The following CAMSAP1 variants were observed in gnomAD, a reference collection of about 807,000 sequenced individuals.
CAMSAP1 encodes calmodulin regulated spectrin associated protein 1.
A neutral mutation model predicts 143.5 loss-of-function variants in CAMSAP1; 58 were observed. The observed-to-expected ratio is 0.40, with a 90% CI of 0.33 to 0.50. CAMSAP1 has a LOEUF of 0.50. Ranked by LOEUF, CAMSAP1 falls within the 20% of genes least tolerant of loss-of-function variation. CAMSAP1 has a pLI of 0.45. For synonymous variants in CAMSAP1, 945 were observed against 859.3 expected, an observed-to-expected ratio of 1.10 and a Z score of -1.74; for missense variants, 1,969 against 2,115.7, an observed-to-expected ratio of 0.93 and a Z score of 1.36.
At position 135,824,337 on chromosome 9, in the gene CAMSAP1, A is replaced by C. The variant is rs1225663058; in HGVS notation, c.1316-303T>G. 2.0e-5 allele frequency among the ~76,000 whole-genome samples: 3 copies of C among 152,226 alleles called. No individual in the cohort carries two copies. The highest frequency in any genetic ancestry group is 2.0e-4 in the Admixed American group (3 of 15,282). ...CTGCAAGACTATACATTTTGACAAC[A>C]CAAGTTAAAATTTATTTGGCTACAG... is the stretch of plus-strand genomic sequence containing the variant. On this transcript the variant is annotated intron_variant, in intron 9 of 16. Coordinates refer to ENST00000389532, the MANE Select transcript of CAMSAP1 (RefSeq NM_015447.4). The surrounding 1 kb of genome is among the most constrained non-coding windows in gnomAD (Gnocchi z 4.1).
chr9:135,865,501 A>C, intron 4 of CAMSAP1: 1 of 749,002 alleles, frequency 1.3e-6, no homozygotes, highest in Non-Finnish European at 2.2e-6. Context: ...AAAGTCTTCT[A>C]AGTGTACGTG....
intron 1 of CAMSAP1, among the ~76,000 whole-genome samples, chr9:135,901,739 C>T (rs750458926): frequency 1.8e-4 from 27 of 152,176 alleles, no homozygotes; most frequent in African/African-American, 6.5e-4. Flanking sequence ...TTCCCAGGCT[C>T]GCTCTCTCGG....
chr9:135,821,623 TC>T lies in CAMSAP1; in HGVS notation c.3037del (p.Glu1013ArgfsTer5). 6.2e-7 allele frequency: 1 copy of T among 1,613,990 alleles called. No homozygotes were observed. The highest frequency in any genetic ancestry group is 8.5e-7 in the Non-Finnish European group (1 of 1,179,890). ...SAALLEDTVGEVVDVNECDLS... is the reference protein window; with the variant it reads ...SAALLEDTVGXVVDVNECDLS... ...GTCACATTCATTCACGTCGACAACCTCCCCAACAGTGTCCTCCAGGAGGGCA... is the reference window on the plus strand; with the variant it reads ...GTCACATTCATTCACGTCGACAACCTCCCAACAGTGTCCTCCAGGAGGGCA... On this transcript the variant is annotated frameshift_variant, in exon 11 of 17. Transcript: ENST00000389532. LOFTEE classifies it high-confidence loss of function. The surrounding 1 kb of genome is among the most constrained non-coding windows in gnomAD (Gnocchi z 4.6).
chr9:135,840,971 G>T (rs1836323808), intron 7 of CAMSAP1, among the ~76,000 whole-genome samples: 1 of 152,214 alleles, frequency 6.6e-6, no homozygotes, highest in East Asian at 1.9e-4. Flanking sequence ...TCATACCCTA[G>T]TGGTGCCTGG....
In CAMSAP1 at chr9:135,846,279, G is replaced by A. The variant is rs904659226; in HGVS notation, c.1045+3858C>T. On this transcript the variant is annotated intron_variant, in intron 7 of 16. Coordinates refer to ENST00000389532, the MANE Select transcript of CAMSAP1 (RefSeq NM_015447.4). ...AAATCTGACAAAAACAAGCAATGGGGAAAGGATTCCCTATTTAACAGTGTT... is the reference window on the plus strand; with the variant it reads ...AAATCTGACAAAAACAAGCAATGGGAAAAGGATTCCCTATTTAACAGTGTT... Among the ~76,000 whole-genome samples the A allele has an allele frequency of 2.6e-5, 4 of 152,124 alleles. No individual in the cohort carries two copies. In the East Asian group the frequency reaches 5.8e-4, roughly 22 times the overall value.
chr9:135,818,229 G>A lies in CAMSAP1; in HGVS notation c.4169-150C>T. The A allele has an allele frequency of 9.0e-7, 1 of 1,113,518 alleles. No homozygotes were observed. The highest frequency in any genetic ancestry group is 1.6e-5 in the South Asian group (1 of 64,488). The allele number at this position is 1,113,518 out of a possible 1,614,324, so 69.0% of individuals were successfully genotyped here. On this transcript the variant is annotated intron_variant, in intron 13 of 16. Transcript: ENST00000389532. The surrounding 1 kb of genome is among the most constrained non-coding windows in gnomAD (Gnocchi z 7.7). ...ATCCCGGGGAGCCGGGCTGCGCCTG[G>A]ATGTGCCGCACATCTCAGAGCATCT... is the stretch of plus-strand genomic sequence containing the variant.
rs569718348 is a variant in CAMSAP1, at chr9:135,904,917, G to A, written c.160+2083C>T. On this transcript the variant is annotated intron_variant, in intron 1 of 16. Coordinates refer to ENST00000389532, the MANE Select transcript of CAMSAP1 (RefSeq NM_015447.4). The stretch of plus-strand genomic sequence containing the variant: ...GAGGTGGCGGTTGCGGTGAGCTGAG[G>A]TCGCGTCACTGCACTCCAGGCTGGA... 1.1e-4 allele frequency among the ~76,000 whole-genome samples: 16 copies of A among 151,894 alleles called. No homozygotes were observed. In the South Asian group the frequency reaches 3.3e-3, roughly 32 times the overall value.
intron 1 of CAMSAP1, among the ~76,000 whole-genome samples, chr9:135,888,346 G>A (rs1838189938): frequency 6.6e-6 from 1 of 152,180 alleles, no homozygotes; most frequent in Admixed American, 6.5e-5. Flanking sequence ...GCACCTGCAC[G>A]GGGCTCGGGA....
intron 7 of CAMSAP1, chr9:135,836,918 CCACA>C (rs1303965010): frequency 2.0e-6 from 2 of 984,204 alleles, no homozygotes; most frequent in Non-Finnish European, 2.4e-6. Context: ...ACACACGTCA[CCACA>C]CACTTTCTAC....
chr9:135,811,138 G>T lies in CAMSAP1; in HGVS notation c.*171C>A. On this transcript the variant is annotated 3_prime_UTR_variant, in exon 17 of 17. Transcript: ENST00000389532. The surrounding 1 kb of genome is among the most constrained non-coding windows in gnomAD (Gnocchi z 4.9). ...GCGTGAGATGAGCGCTGAGAGAGGG[G>T]TTTTCTTCTGCTGTCTAGAAACCTC... 1.3e-6 allele frequency: 1 copy of T among 754,016 alleles called. No homozygotes were observed. The highest frequency in any genetic ancestry group is 2.1e-6 in the Non-Finnish European group (1 of 471,894). 46.7% of individuals were successfully genotyped at this position (754,016 alleles called of 1,614,324 possible).
chr9:135,831,099 G>A (rs1195136131), intron 7 of CAMSAP1, among the ~76,000 whole-genome samples: 6 of 152,192 alleles, frequency 3.9e-5, no homozygotes, highest in Admixed American at 1.3e-4. Context: ...TTGAACCTGG[G>A]AGGCGGAGGC....
At chr9:135,902,194 T>C (rs1838637752) in intron 1 of CAMSAP1, among the ~76,000 whole-genome samples, 1 of 152,242 alleles carries the variant, frequency 6.6e-6, no homozygotes, top group African/African-American at 2.4e-5. Flanking sequence ...CATTTGAAGA[T>C]GCTCTGTAAC....
intron 14 of CAMSAP1, among the ~76,000 whole-genome samples, chr9:135,816,538 T>C (rs1835235499): frequency 6.6e-6 from 1 of 152,180 alleles, no homozygotes; most frequent in Non-Finnish European, 1.5e-5. Context: ...ACACAGCTGC[T>C]CAGAGATGTC....
At position 135,862,529 on chromosome 9, in the gene CAMSAP1, C is replaced by G; in HGVS notation, c.746G>C (p.Ser249Thr). The change falls in exon 5 of 17, where the codon AGT (serine) becomes ACT (threonine). Residue 249 changes from serine to threonine, a missense_variant. Around this residue, in one of 4 missense-constraint regions of CAMSAP1, gnomAD observed 221 missense variants for 298.2 expected, o/e 0.74. Coordinates refer to ENST00000389532, the MANE Select transcript of CAMSAP1 (RefSeq NM_015447.4). ...PLLEDLMRDG[S>T]DGAALLAVIH... is the part of the protein sequence containing the mutation. Reference sequence around the variant, plus strand: ...CACAGCTAAGAGAGCAGCACCATCACTGCCGTCTCTCATCAAATCCTCCAA... The same window carrying G: ...CACAGCTAAGAGAGCAGCACCATCAGTGCCGTCTCTCATCAAATCCTCCAA... 3 of 1,551,710 alleles carry G rather than the reference C, an allele frequency of 1.9e-6. No homozygotes were observed. The highest frequency in any genetic ancestry group is 2.4e-5 in the East Asian group (1 of 40,924).
Position 135,874,490 on chromosome 9 carries a change from G to GC in CAMSAP1, c.585+7142dup, listed in dbSNP as rs398012568. ...CCTGTCTCAAAAAAGGGGGGGGGGGGCCACAGGGGCCGGGAACTCCTAATA... is the reference window on the plus strand; with the variant it reads ...CCTGTCTCAAAAAAGGGGGGGGGGGGCCCACAGGGGCCGGGAACTCCTAATA... On this transcript the variant is annotated intron_variant, in intron 3 of 16. Transcript: ENST00000389532. Among the ~76,000 whole-genome samples, 292 of 119,276 alleles carry GC rather than the reference G, an allele frequency of 2.4e-3. 11 individuals carry two copies. In the South Asian group the frequency reaches 0.028, roughly 12 times the overall value. 78.2% of individuals were successfully genotyped at this position (119,276 alleles called of 152,430 possible).
chr9:135,867,325 C>A (rs1837411834), intron 3 of CAMSAP1, among the ~76,000 whole-genome samples: 1 of 151,994 alleles, frequency 6.6e-6, no homozygotes, highest in Non-Finnish European at 1.5e-5. Context: ...AATCCACAAC[C>A]AAGTTTTGTA....
At chr9:135,885,123 C>T (rs968372620) in intron 1 of CAMSAP1, among the ~76,000 whole-genome samples, 7 of 152,192 alleles carry the variant, frequency 4.6e-5, no homozygotes, top group African/African-American at 7.2e-5. Flanking sequence ...CCTCCCATCT[C>T]GCTGCCTGCT....
At chr9:135,892,332 C>T (rs192157986) in intron 1 of CAMSAP1, among the ~76,000 whole-genome samples, 6 of 151,828 alleles carry the variant, frequency 4.0e-5, no homozygotes, top group East Asian at 1.9e-4. Flanking sequence ...AAAAAAGACA[C>T]GATTAAAATT....
In CAMSAP1 at chr9:135,822,285, C is replaced by T. The variant is rs775435059; in HGVS notation, c.2376G>A (p.Ser792=). Residue 792 remains serine, a synonymous_variant, in exon 11 of 17, where the codon TCG becomes TCA. Coordinates refer to ENST00000389532, the MANE Select transcript of CAMSAP1 (RefSeq NM_015447.4). This position sits in a 1 kb window ranked among gnomAD's most constrained non-coding sequence, Gnocchi z 6.1. ...GAGAGGCTGTGCTCAGGCAGGGGCT[C>T]GAGCGGCCGCTGGCGTCATCTTTGT... ...HEDKDDASGR[S]SPCLSTASQM... 6.2e-7 allele frequency: 1 copy of T among 1,613,960 alleles called. No homozygotes were observed. Among genetic ancestry groups the T allele is most frequent in the South Asian group, 1.1e-5 (1 of 91,082 alleles).
Sources: allele counts gnomAD v4.1 joint callset (sites outside exome capture counted in the v4.1 genomes callset), GRCh38; gene constraint gnomAD v4.1.1; regional missense constraint gnomAD v4.1.1; non-coding constraint Gnocchi (gnomAD v3.1); transcripts MANE v1.5; gene names NCBI Gene and HGNC (gene_info 2026-07-23, HGNC 2026-07-21).